CBR4: variants seen among roughly 807,000 people sequenced by gnomAD.
CBR4 encodes the protein carbonyl reductase 4, also known as 3-oxoacyl-[acyl-carrier-protein] reductase.
Under a neutral mutation model 21.0 loss-of-function variants are expected in CBR4, and 22 were observed. The ratio of observed to expected loss-of-function variants is 1.05; its 90% confidence interval spans 0.75 to 1.50. CBR4 has a LOEUF of 1.50. Ranked by LOEUF, CBR4 falls within the 40% of genes most tolerant of loss-of-function variation. The pLI is 0.00. For synonymous variants in CBR4, 100 were observed against 104.4 expected (o/e 0.96, Z 0.26); for missense variants, 302 against 286.3 (o/e 1.05, Z -0.40).
At chr4:168,955,121 G>C (rs190981181) in intron 2 of CBR4, among the ~76,000 whole-genome samples, 17 of 152,324 alleles carry the variant, frequency 1.1e-4, no homozygotes, top group African/African-American at 4.1e-4. Flanking sequence ...TTGTCATAAT[G>C]TAGTTAATGA....
At chr4:168,961,912 G>A (rs1417254919) in intron 2 of CBR4, among the ~76,000 whole-genome samples, 1 of 148,326 alleles carries the variant, frequency 6.7e-6, no homozygotes, top group East Asian at 2.0e-4. Context: ...AGGGAGAGGG[G>A]AGGGGAGGGG....
At chr4:169,009,032 C>G (rs1055989107) in intron 1 of CBR4, 5 of 446,112 alleles carry the variant, frequency 1.1e-5, no homozygotes, top group African/African-American at 6.4e-5. Context: ...TGGGGTCCAG[C>G]ACGGGCAACA....
chr4:169,004,971 A>T (rs1579026556), intron 3 of CBR4, among the ~76,000 whole-genome samples: 1 of 152,238 alleles, frequency 6.6e-6, no homozygotes, highest in South Asian at 2.1e-4. Flanking sequence ...TGATACAAAA[A>T]TTAATCAAGG....
At chr4:168,985,655 A>C (rs1578982692), downstream of CBR4, among the ~76,000 whole-genome samples, 2 of 152,342 alleles carry the variant, frequency 1.3e-5, no homozygotes, top group East Asian at 3.9e-4. Flanking sequence ...AGTGGACTGG[A>C]TAAAGAAAAT....
At chr4:168,920,845 C>A (rs1417055303) in intron 2 of CBR4, among the ~76,000 whole-genome samples, 1 of 152,158 alleles carries the variant, frequency 6.6e-6, no homozygotes, top group Non-Finnish European at 1.5e-5. Context: ...AGAAGCTTTA[C>A]AGTACTATAT....
chr4:168,999,213 G>A (rs1730193870), intron 4 of CBR4, among the ~76,000 whole-genome samples: 1 of 151,924 alleles, frequency 6.6e-6, no homozygotes, highest in South Asian at 2.1e-4. Flanking sequence ...TGCTTTTCCT[G>A]TTATAATTTG....
At chr4:168,986,938 T>C (rs890665491), downstream of CBR4, among the ~76,000 whole-genome samples, 1 of 152,126 alleles carries the variant, frequency 6.6e-6, no homozygotes, top group Non-Finnish European at 1.5e-5. Context: ...CAAAACCCTA[T>C]CTCAAAATAA....
chr4:168,961,756 G>A (rs535353149), intron 2 of CBR4, among the ~76,000 whole-genome samples: 17 of 152,272 alleles, frequency 1.1e-4, no homozygotes, highest in African/African-American at 1.9e-4. Flanking sequence ...TGGCCATGGC[G>A]AAAGGCGCCT....
intron 2 of CBR4, among the ~76,000 whole-genome samples, chr4:168,972,541 T>G (rs1045665623): frequency 6.6e-6 from 1 of 152,208 alleles, no homozygotes; most frequent in African/African-American, 2.4e-5. Flanking sequence ...TCTTTGCAGC[T>G]GTTGTAAAAG....
intron 2 of CBR4, among the ~76,000 whole-genome samples, chr4:168,941,672 C>T (rs1763267998): frequency 6.6e-6 from 1 of 152,180 alleles, no homozygotes; most frequent in South Asian, 2.1e-4. Context: ...AACTAATTTA[C>T]ACTCCCACCA....
At chr4:168,924,918 C>A (rs753025711) in intron 2 of CBR4, 2 of 1,613,692 alleles carry the variant, frequency 1.2e-6, no homozygotes, top group South Asian at 2.2e-5. Flanking sequence ...AAATTTAGAA[C>A]CCTAATGACT....
chr4:168,945,434 G>A (rs190704140), intron 2 of CBR4, among the ~76,000 whole-genome samples: 29 of 152,188 alleles, frequency 1.9e-4, no homozygotes, highest in African/African-American at 6.8e-4. Flanking sequence ...GTTACTTGGT[G>A]AGAACAACAG....
At chr4:168,896,051 A>G (rs1264394737) in intron 2 of CBR4, among the ~76,000 whole-genome samples, 2 of 152,168 alleles carry the variant, frequency 1.3e-5, no homozygotes, top group African/African-American at 4.8e-5. Flanking sequence ...CTCTACTGAA[A>G]ATACAAAAAT....
rs376062907 is a variant in CBR4, at chr4:168,950,066, C to T, written n.169+52005G>A. On this transcript the variant is annotated intron_variant and non_coding_transcript_variant, in intron 2 of 3. Coordinates refer to the CBR4 transcript ENST00000509108. ...TTAATTTATCTTTTCAAAGAATCAG[C>T]TTTTTGTTTCATTTATCTTTTGCAT... Among the ~76,000 whole-genome samples the T allele has an allele frequency of 1.8e-4, 28 of 152,184 alleles. 1 individual carries two copies. Among genetic ancestry groups the T allele is most frequent in the Middle Eastern group, 6.8e-3 (2 of 294 alleles).
chr4:168,911,798 A>G (rs1479161650), intron 2 of CBR4, among the ~76,000 whole-genome samples: 1 of 152,148 alleles, frequency 6.6e-6, no homozygotes, highest in Non-Finnish European at 1.5e-5. Context: ...ATAATGTTAG[A>G]CTTCATGTCT....
chr4:168,904,152 C>T (rs915655342), intron 2 of CBR4: 9 of 487,114 alleles, frequency 1.8e-5, no homozygotes, highest in African/African-American at 1.2e-4. Context: ...AATATGTACA[C>T]ACTTTCTATG....
intron 2 of CBR4, chr4:168,921,749 C>A: frequency 1.9e-6 from 3 of 1,602,984 alleles, no homozygotes; most frequent in Non-Finnish European, 2.6e-6. Flanking sequence ...CTGGTAGGCT[C>A]ATCTGTGAAT....
intron 2 of CBR4, among the ~76,000 whole-genome samples, chr4:168,923,508 C>A (rs937794267): frequency 6.6e-6 from 1 of 152,042 alleles, no homozygotes; most frequent in African/African-American, 2.4e-5. Flanking sequence ...TCCAAGAAAA[C>A]AATTTCCCAT....
intron 4 of CBR4, among the ~76,000 whole-genome samples, chr4:169,000,099 G>C (rs1458313655): frequency 6.6e-6 from 1 of 152,118 alleles, no homozygotes; most frequent in Non-Finnish European, 1.5e-5. Context: ...ATTACCCACA[G>C]TATTCCAATC....
Sources: allele counts gnomAD v4.1 joint callset (sites outside exome capture counted in the v4.1 genomes callset), GRCh38; gene constraint gnomAD v4.1.1; transcripts MANE v1.5; gene names NCBI Gene and HGNC (gene_info 2026-07-23, HGNC 2026-07-21).